The following SLC2A4 variants were observed in gnomAD, a reference collection of about 807,000 sequenced individuals.
SLC2A4 encodes solute carrier family 2 member 4.
SLC2A4 carries 31 observed loss-of-function variants against 53.3 expected under a neutral mutation model. That is an observed-to-expected ratio of 0.58 (90% CI 0.44 to 0.78). The LOEUF (loss-of-function observed/expected upper bound fraction) is 0.78. SLC2A4 is among the 30% of genes least tolerant of loss of function. SLC2A4 has a pLI of 0.00. For synonymous variants in SLC2A4, 276 were observed against 281.9 expected, an observed-to-expected ratio of 0.98 and a Z score of 0.21; for missense variants, 538 against 655.7, an observed-to-expected ratio of 0.82 and a Z score of 1.96.
At position 7,282,311 on chromosome 17, in the gene SLC2A4, G is replaced by A. The variant is rs2072409164; in HGVS notation, c.33+344G>A. The A allele has an allele frequency of 1.9e-6, 1 of 521,282 alleles. No individual in the cohort carries two copies. The highest frequency in any genetic ancestry group is 3.7e-6 in the Non-Finnish European group (1 of 269,876). The allele number at this position is 521,282 out of a possible 1,614,324, so 32.3% of individuals were successfully genotyped here. A position where few individuals can be genotyped will look rare whatever the true frequency, so the allele number is the denominator to read the frequency against. On this transcript the variant is annotated intron_variant, in intron 1 of 10. Coordinates refer to ENST00000317370, the MANE Select transcript of SLC2A4 (RefSeq NM_001042.3). This position sits in a 1 kb window ranked among gnomAD's most constrained non-coding sequence, Gnocchi z 4.1. ...CAGATCCAGGCGGGTCTTGCCCTCC[G>A]GGAGCTGTCCGTCCGTCTTCGCTCA... is the stretch of plus-strand genomic sequence containing the variant.
In SLC2A4 at chr17:7,285,686, CT is replaced by C. The variant is rs1435488038; in HGVS notation, c.1123-18del. 1 of 1,613,066 alleles carries C rather than the reference CT, an allele frequency of 6.2e-7. No homozygotes were observed. Among genetic ancestry groups the C allele is most frequent in the South Asian group, 1.1e-5 (1 of 91,050 alleles). ...AAAGGCCTCAACTGGATTCTCCACC[CT>C]CCCTGTCTGGCCCCTAGGAGCGAGT... On this transcript the variant is annotated intron_variant, in intron 9 of 10. Transcript: ENST00000317370. This position sits in a 1 kb window ranked among gnomAD's most constrained non-coding sequence, Gnocchi z 6.0.
chr17:7,283,285 T>A lies in SLC2A4; in HGVS notation c.74T>A (p.Val25Asp). The A allele has an allele frequency of 6.2e-7, 1 of 1,614,146 alleles. No individual in the cohort carries two copies. The highest frequency in any genetic ancestry group is 1.1e-5 in the South Asian group (1 of 91,078). The change falls in exon 2 of 11, where the codon GTC becomes GAC. Residue 25 changes from valine to aspartate, a missense_variant. Transcript: ENST00000317370. The surrounding 1 kb of genome is among the most constrained non-coding windows in gnomAD (Gnocchi z 5.8). Reference protein sequence around the residue: ...PPQQRVTGTLVLAVFSAVLGS... With the variant: ...PPQQRVTGTLDLAVFSAVLGS... ...CAGCAGCGAGTGACTGGGACCCTGG[T>A]CCTTGCTGTGTTCTCTGCGGTGCTT... is the stretch of plus-strand genomic sequence containing the variant.
intron 10 of SLC2A4, chr17:7,286,170 A>T (rs2072447878): frequency 3.2e-6 from 2 of 623,302 alleles, no homozygotes; most frequent in Non-Finnish European, 5.7e-6. Flanking sequence ...TTAATACTAC[A>T]AACAGCTGGG....
In SLC2A4 at chr17:7,284,339, C is replaced by T. The variant is rs751730063; in HGVS notation, c.687C>T (p.Tyr229=). The T allele has an allele frequency of 6.2e-7, 1 of 1,614,182 alleles. No homozygotes were observed. Among genetic ancestry groups the T allele is most frequent in the Non-Finnish European group, 8.5e-7 (1 of 1,180,046 alleles). The part of the protein sequence containing the change: ...LLPFCPESPR[Y]LYIIQNLEGP... ...CCTTCTGTCCCGAGAGCCCCCGCTA[C>T]CTCTACATCATCCAGAATCTCGAGG... Residue 229 remains tyrosine (Y), a synonymous_variant, in exon 6 of 11, where the codon TAC becomes TAT. Transcript: ENST00000317370. This position sits in a 1 kb window ranked among gnomAD's most constrained non-coding sequence, Gnocchi z 7.5.
rs41312262 is a variant in SLC2A4 at position 7,283,667 on chromosome 17, G to T, written c.323+22G>T. ...GAAGGTTCGCAGCTGGAGGGCAGGG[G>T]TGGGGGAAACAGGAAGGGAGCCACT... On this transcript the variant is annotated intron_variant, in intron 3 of 10. Transcript: ENST00000317370. The surrounding 1 kb of genome is among the most constrained non-coding windows in gnomAD (Gnocchi z 5.8). 4.5e-3 allele frequency: 7,308 copies of T among 1,613,950 alleles called. 29 individuals carry two copies. Among genetic ancestry groups the T allele is most frequent in the Non-Finnish European group, 5.3e-3 (6,298 of 1,180,032 alleles).
At position 7,285,683 on chromosome 17, in the gene SLC2A4, ACCCT is replaced by A; in HGVS notation, c.1123-17_1123-14del. 6.2e-7 allele frequency: 1 copy of A among 1,612,562 alleles called. No individual in the cohort carries two copies. Among genetic ancestry groups the A allele is most frequent in the Non-Finnish European group, 8.5e-7 (1 of 1,178,814 alleles). ...CAGAAAGGCCTCAACTGGATTCTCC[ACCCT>A]CCCTGTCTGGCCCCTAGGAGCGAGT... On this transcript the variant is annotated intron_variant, in intron 9 of 10. Transcript: ENST00000317370. This position sits in a 1 kb window ranked among gnomAD's most constrained non-coding sequence, Gnocchi z 6.0.
chr17:7,281,885 C>G lies in SLC2A4; in HGVS notation c.-50C>G. 1 of 1,544,066 alleles carries G rather than the reference C, an allele frequency of 6.5e-7. No individual in the cohort carries two copies. The highest frequency in any genetic ancestry group is 1.9e-5 in the Admixed American group (1 of 53,654). On this transcript the variant is annotated 5_prime_UTR_variant, in exon 1 of 11. The change creates a new upstream start codon in the 5' untranslated region. Transcript: ENST00000317370. Reference sequence around the variant, plus strand: ...AGGCCGGAGTCAGAGACTCCAGGATCGGTTCTTTCATCTTCGCCGCCCCTG... The same window carrying G: ...AGGCCGGAGTCAGAGACTCCAGGATGGGTTCTTTCATCTTCGCCGCCCCTG...
Position 7,284,364 on chromosome 17 carries a change from G to A in SLC2A4, c.712G>A (p.Gly238Arg). ...CCTCTACATCATCCAGAATCTCGAGGGGCCTGCCAGAAAGAGTAAGCTCTC... is the reference window on the plus strand; with the variant it reads ...CCTCTACATCATCCAGAATCTCGAGAGGCCTGCCAGAAAGAGTAAGCTCTC... Reference protein sequence around the residue: ...RYLYIIQNLEGPARKSLKRLT... With the variant: ...RYLYIIQNLERPARKSLKRLT... The change falls in exon 6 of 11, where the codon GGG (glycine) becomes AGG (arginine). Residue 238 changes from glycine (G) to arginine (R), a missense_variant. Coordinates refer to ENST00000317370, the MANE Select transcript of SLC2A4 (RefSeq NM_001042.3). This position sits in a 1 kb window ranked among gnomAD's most constrained non-coding sequence, Gnocchi z 7.5. The A allele has an allele frequency of 6.2e-7, 1 of 1,614,118 alleles. No individual in the cohort carries two copies. Among genetic ancestry groups the A allele is most frequent in the South Asian group, 1.1e-5 (1 of 91,082 alleles).
rs371333021 is a variant in SLC2A4, at chr17:7,282,057, T to A, written c.33+90T>A. ...GCGGTTGGGGTCAGCTGGGGGTGGTTCCTGCGCAGGCGCAGGGGGTGAAGG... is the reference window on the plus strand; with the variant it reads ...GCGGTTGGGGTCAGCTGGGGGTGGTACCTGCGCAGGCGCAGGGGGTGAAGG... On this transcript the variant is annotated intron_variant, in intron 1 of 10. Coordinates refer to ENST00000317370, the MANE Select transcript of SLC2A4 (RefSeq NM_001042.3). The surrounding 1 kb of genome is among the most constrained non-coding windows in gnomAD (Gnocchi z 4.1). 38 of 1,107,160 alleles carry A rather than the reference T, an allele frequency of 3.4e-5. 1 individual carries two copies. In the South Asian group the frequency reaches 3.6e-4, roughly 10 times the overall value. 68.6% of individuals were successfully genotyped at this position (1,107,160 alleles called of 1,614,324 possible).
In SLC2A4 at chr17:7,283,398, A is replaced by G; in HGVS notation, c.150+37A>G. ...CAGCTGGCAGGGTGGGGGTACCCAA[A>G]CGAGGAGGACAGGTGTCTCGGGGGT... On this transcript the variant is annotated intron_variant, in intron 2 of 10. Transcript: ENST00000317370. This position sits in a 1 kb window ranked among gnomAD's most constrained non-coding sequence, Gnocchi z 5.8. 6.2e-7 allele frequency: 1 copy of G among 1,611,328 alleles called. No individual in the cohort carries two copies. The highest frequency in any genetic ancestry group is 8.5e-7 in the Non-Finnish European group (1 of 1,178,402).
rs1003735999 is a variant in SLC2A4 at position 7,284,241 on chromosome 17, G to A, written c.589G>A (p.Gly197Ser). The A allele has an allele frequency of 1.2e-6, 2 of 1,613,344 alleles. No individual in the cohort carries two copies. The highest frequency in any genetic ancestry group is 1.7e-6 in the Non-Finnish European group (2 of 1,180,026). The change falls in exon 6 of 11, where the codon GGC (glycine) becomes AGC (serine). Residue 197 changes from glycine to serine, a missense_variant. Coordinates refer to ENST00000317370, the MANE Select transcript of SLC2A4 (RefSeq NM_001042.3). The surrounding 1 kb of genome is among the most constrained non-coding windows in gnomAD (Gnocchi z 7.5). Reference sequence around the variant, plus strand: ...GGTGCTGGGCTTGGAGTCCCTCCTGGGCACTGCCAGCCTGTGGCCACTGCT... The same window carrying A: ...GGTGCTGGGCTTGGAGTCCCTCCTGAGCACTGCCAGCCTGTGGCCACTGCT... Reference protein sequence around the residue: ...AQVLGLESLLGTASLWPLLLG... With the variant: ...AQVLGLESLLSTASLWPLLLG...
In SLC2A4 at chr17:7,281,798, C is replaced by T; in HGVS notation, c.-137C>T. 1.2e-6 allele frequency: 1 copy of T among 859,382 alleles called. No individual in the cohort carries two copies. The highest frequency in any genetic ancestry group is 1.9e-6 in the Non-Finnish European group (1 of 518,986). The allele number at this position is 859,382 out of a possible 1,614,324, so 53.2% of individuals were successfully genotyped here. On this transcript the variant is annotated 5_prime_UTR_variant, in exon 1 of 11. Coordinates refer to ENST00000317370, the MANE Select transcript of SLC2A4 (RefSeq NM_001042.3). ...GTCCTTGGCTTGTGGCTGTGGGTCCCATCGGGCCCGCCCTCGCACGTCACT... is the reference window on the plus strand; with the variant it reads ...GTCCTTGGCTTGTGGCTGTGGGTCCTATCGGGCCCGCCCTCGCACGTCACT...
chr17:7,284,410 C>T lies in SLC2A4; in HGVS notation c.727+31C>T, dbSNP rs763889175. On this transcript the variant is annotated intron_variant, in intron 6 of 10. Coordinates refer to ENST00000317370, the MANE Select transcript of SLC2A4 (RefSeq NM_001042.3). The surrounding 1 kb of genome is among the most constrained non-coding windows in gnomAD (Gnocchi z 7.5). ...CTCTCCCGCTGCAGCCTGGCCCAGG[C>T]CCATGCCTCCGCCTCATCTTGCTAG... 5 of 1,613,948 alleles carry T rather than the reference C, an allele frequency of 3.1e-6. No individual in the cohort carries two copies. In the Admixed American group the frequency reaches 8.3e-5, roughly 27 times the overall value.
At position 7,286,566 on chromosome 17, in the gene SLC2A4, T is replaced by A. The variant is rs757120648; in HGVS notation, c.1467T>A (p.Leu489=). 1.9e-6 allele frequency: 3 copies of A among 1,614,130 alleles called. No homozygotes were observed. Among genetic ancestry groups the A allele is most frequent in the Non-Finnish European group, 2.5e-6 (3 of 1,180,026 alleles). Residue 489 remains leucine, a synonymous_variant, in exon 11 of 11, where the codon CTT becomes CTA. Transcript: ENST00000317370. ...CTGCCTTCCACCGGACACCCTCTCT[T>A]TTAGAGCAGGAGGTGAAACCCAGCA... The part of the protein sequence containing the change: ...ISAAFHRTPS[L]LEQEVKPSTE...
In SLC2A4 at chr17:7,284,861, C is replaced by G; in HGVS notation, c.942C>G (p.Phe314Leu). Residue 314 changes from phenylalanine (F) to leucine (L), a missense_variant, in exon 8 of 11, where the codon TTC (phenylalanine) becomes TTG (leucine). Coordinates refer to ENST00000317370, the MANE Select transcript of SLC2A4 (RefSeq NM_001042.3). This position sits in a 1 kb window ranked among gnomAD's most constrained non-coding sequence, Gnocchi z 7.5. ...NAVFYYSTSI[F>L]ETAGVGQPAY... ...TTTTCTATTATTCGACCAGCATCTT[C>G]GAGACAGCAGGGGTAGGCCAGCCTG... The G allele has an allele frequency of 6.2e-7, 1 of 1,614,208 alleles. No homozygotes were observed. The highest frequency in any genetic ancestry group is 1.1e-5 in the South Asian group (1 of 91,086).
In SLC2A4 at chr17:7,287,023, G is replaced by A. The variant is rs1455768438; in HGVS notation, c.*394G>A. 1 of 246,240 alleles carries A rather than the reference G, an allele frequency of 4.1e-6. No homozygotes were observed. The highest frequency in any genetic ancestry group is 8.1e-6 in the Non-Finnish European group (1 of 124,064). The allele number at this position is 246,240 out of a possible 1,614,324, so 15.3% of individuals were successfully genotyped here. A position where few individuals can be genotyped will look rare whatever the true frequency, so the allele number is the denominator to read the frequency against. ...CAAACCAGAGCAGAGAGCAGGACAG[G>A]AGACAAGAAATCCAGTTTCCCACCA... On this transcript the variant is annotated 3_prime_UTR_variant, in exon 11 of 11. Transcript: ENST00000317370.
In SLC2A4 at chr17:7,284,050, C is replaced by T; in HGVS notation, c.525C>T (p.Leu175=). The change falls in exon 5 of 11, where the codon CTC becomes CTT. Residue 175 remains leucine (L), a synonymous_variant. Coordinates refer to ENST00000317370, the MANE Select transcript of SLC2A4 (RefSeq NM_001042.3). This position sits in a 1 kb window ranked among gnomAD's most constrained non-coding sequence, Gnocchi z 7.5. The part of the protein sequence containing the change: ...PTHLRGALGT[L]NQLAIVIGIL... ...ACCTGCGGGGCGCCCTGGGGACGCT[C>T]AACCAACTGGCCATTGTTATCGGCA... 1 of 1,613,992 alleles carries T rather than the reference C, an allele frequency of 6.2e-7. No individual in the cohort carries two copies. The highest frequency in any genetic ancestry group is 8.5e-7 in the Non-Finnish European group (1 of 1,179,966).
rs770086673 is a variant in SLC2A4 at position 7,287,118 on chromosome 17, T to TCTCC, written c.*489_*490insCTCC. On this transcript the variant is annotated 3_prime_UTR_variant, in exon 11 of 11. Transcript: ENST00000317370. ...CACGCAGACTCTGGGCAAAGGGGTT[T>TCTCC]TTTTTTTTTTTTTTTTTTTTTTTTT... 1 of 75,172 alleles carries TCTCC rather than the reference T, an allele frequency of 1.3e-5. No homozygotes were observed. Among genetic ancestry groups the TCTCC allele is most frequent in the African/African-American group, 4.5e-5 (1 of 22,438 alleles). 4.7% of individuals were successfully genotyped at this position (75,172 alleles called of 1,614,324 possible).
Position 7,283,826 on chromosome 17 carries a change from C to G in SLC2A4, c.412C>G (p.Leu138Val), listed in dbSNP as rs1285270838. Reference protein sequence around the residue: ...LANAAASYEMLILGRFLIGAY... With the variant: ...LANAAASYEMVILGRFLIGAY... Reference sequence around the variant, plus strand: ...CAATGCTGCTGCCTCCTATGAAATGCTCATCCTTGGACGATTCCTCATTGG... The same window carrying G: ...CAATGCTGCTGCCTCCTATGAAATGGTCATCCTTGGACGATTCCTCATTGG... The change falls in exon 4 of 11, where the codon CTC (leucine) becomes GTC (valine). Residue 138 changes from leucine (L) to valine (V), a missense_variant. Transcript: ENST00000317370. This position sits in a 1 kb window ranked among gnomAD's most constrained non-coding sequence, Gnocchi z 5.8. 6.2e-7 allele frequency: 1 copy of G among 1,614,144 alleles called. No homozygotes were observed. The highest frequency in any genetic ancestry group is 2.2e-5 in the East Asian group (1 of 44,880).
Sources: allele counts gnomAD v4.1 joint callset, GRCh38; gene constraint gnomAD v4.1.1; non-coding constraint Gnocchi (gnomAD v3.1); transcripts MANE v1.5; gene names NCBI Gene and HGNC (gene_info 2026-07-23, HGNC 2026-07-21).